The following TMTC3 variants were observed in gnomAD, a reference collection of about 807,000 sequenced individuals.
TMTC3 encodes the protein protein O-mannosyl-transferase TMTC3.
A neutral mutation model predicts 92.2 loss-of-function variants in TMTC3; 52 were observed. The ratio of observed to expected loss-of-function variants is 0.56; its 90% CI spans 0.45 to 0.71. The LOEUF (loss-of-function observed/expected upper bound fraction) is 0.71. Among genes scored for constraint, TMTC3 ranks in the 30% least tolerant of loss-of-function variants. TMTC3 has a pLI of 0.00. For missense variants in TMTC3, 896 were observed against 1,057.1 expected (o/e 0.85, Z 2.11); for synonymous variants, 339 against 363.3 (o/e 0.93, Z 0.76).
At position 88,196,702 on chromosome 12, in the gene TMTC3, T is replaced by C. The variant is rs2041517470; in HGVS notation, c.*1053T>C. ...TGTTATGGTATATCTTTTTATTAAA[T>C]ATTTATTTTGACTAAGCTTTCATAA... On this transcript the variant is annotated 3_prime_UTR_variant, in exon 14 of 14. Coordinates refer to ENST00000266712, the MANE Select transcript of TMTC3 (RefSeq NM_181783.4). The C allele has an allele frequency of 6.6e-6, 1 of 151,946 alleles. No homozygotes were observed. The highest frequency in any genetic ancestry group is 1.5e-5 in the Non-Finnish European group (1 of 67,834). 9.4% of individuals were successfully genotyped at this position (151,946 alleles called of 1,614,324 possible).
At chr12:88,171,278 C>T (rs891154435) in intron 7 of TMTC3, among the ~76,000 whole-genome samples, 20 of 152,218 alleles carry the variant, frequency 1.3e-4, no homozygotes, top group African/African-American at 4.8e-4. Context: ...ACCACACGCA[C>T]ATAAGTTAGA....
intron 8 of TMTC3, among the ~76,000 whole-genome samples, chr12:88,173,834 G>A (rs2041230445): frequency 6.6e-6 from 1 of 152,046 alleles, no homozygotes; most frequent in Non-Finnish European, 1.5e-5. Context: ...GAACATTGAA[G>A]CCATATAGGT....
At chr12:88,184,765 A>G (rs1411024089) in intron 10 of TMTC3, among the ~76,000 whole-genome samples, 1 of 152,174 alleles carries the variant, frequency 6.6e-6, no homozygotes, top group Non-Finnish European at 1.5e-5. Context: ...ACAAATACAC[A>G]CCACATGTAA....
chr12:88,193,470 T>G (rs2041466671), intron 13 of TMTC3, among the ~76,000 whole-genome samples: 1 of 152,168 alleles, frequency 6.6e-6, no homozygotes, highest in Admixed American at 6.5e-5. Flanking sequence ...AAAAATCTAT[T>G]ATAATGTTTA....
intron 2 of TMTC3, among the ~76,000 whole-genome samples, chr12:88,149,581 C>G (rs1020608720): frequency 6.6e-6 from 1 of 152,086 alleles, no homozygotes; most frequent in Non-Finnish European, 1.5e-5. Flanking sequence ...ATTATTTTAT[C>G]TACACTACCT....
At position 88,199,474 on chromosome 12, in the gene TMTC3, CTT is replaced by C. The variant is rs1405094684; in HGVS notation, c.*3826_*3827del. The C allele has an allele frequency of 6.6e-6, 1 of 151,852 alleles. No individual in the cohort carries two copies. The highest frequency in any genetic ancestry group is 1.9e-4 in the East Asian group (1 of 5,182). The allele number at this position is 151,852 out of a possible 1,614,324, so 9.4% of individuals were successfully genotyped here. A position where few individuals can be genotyped will look rare whatever the true frequency, so the allele number is the denominator to read the frequency against. ...TTAGTATAAACATAAGGCTTAAAGT[CTT>C]GGATTTGATGCATATGACTTAATTT... On this transcript the variant is annotated 3_prime_UTR_variant, in exon 14 of 14. Transcript: ENST00000266712.
intron 3 of TMTC3, 80 bp from the exon 4 acceptor site, chr12:88,154,208 A>G (rs2040978736): frequency 2.0e-6 from 2 of 1,001,718 alleles, no homozygotes; most frequent in Non-Finnish European, 2.9e-6. Flanking sequence ...TACGGAAATT[A>G]AAGTATTTTT....
At position 88,179,437 on chromosome 12, in the gene TMTC3, C is replaced by T. The variant is rs1387689970; in HGVS notation, c.1432+3118C>T. 2.6e-5 allele frequency among the ~76,000 whole-genome samples: 4 copies of T among 152,212 alleles called. No homozygotes were observed. The East Asian group carries it at 7.7e-4, about 29-fold the overall frequency. The stretch of plus-strand genomic sequence containing the variant: ...TATAAATTTGGAGTAATAATACCTC[C>T]ATTCTTTTGTATGGGTTATGTTAAA... On this transcript the variant is annotated intron_variant, in intron 10 of 13. Transcript: ENST00000266712.
At position 88,196,855 on chromosome 12, in the gene TMTC3, A is replaced by T. The variant is rs1379370632; in HGVS notation, c.*1206A>T. The T allele has an allele frequency of 2.0e-5, 3 of 151,878 alleles. No individual in the cohort carries two copies. Among genetic ancestry groups the T allele is most frequent in the South Asian group, 4.1e-4 (2 of 4,824 alleles). 9.4% of individuals were successfully genotyped at this position (151,878 alleles called of 1,614,324 possible). A position where few individuals can be genotyped will look rare whatever the true frequency, so the allele number is the denominator to read the frequency against. On this transcript the variant is annotated 3_prime_UTR_variant, in exon 14 of 14. Transcript: ENST00000266712. ...GGCCTAATGTCTGGATATAAAAGAT[A>T]ATTAGCCTACTATAGTATTAATAAA...
chr12:88,190,604 A>G lies in TMTC3; in HGVS notation c.1688A>G (p.Lys563Arg), dbSNP rs763771535. The G allele has an allele frequency of 6.2e-7, 1 of 1,613,726 alleles. No individual in the cohort carries two copies. Among genetic ancestry groups the G allele is most frequent in the South Asian group, 1.1e-5 (1 of 91,036 alleles). The change falls in exon 12 of 14, where the codon AAG becomes AGG. Residue 563 changes from lysine (K) to arginine (R), a missense_variant. Transcript: ENST00000266712. ...RQAISMRPDFKQAYISRGELL... is the reference protein window; with the variant it reads ...RQAISMRPDFRQAYISRGELL... Reference sequence around the variant, plus strand: ...GCAATAAGCATGAGGCCCGACTTCAAGCAGGCTTACATTAGCAGGTATCCC... The same window carrying G: ...GCAATAAGCATGAGGCCCGACTTCAGGCAGGCTTACATTAGCAGGTATCCC...
Position 88,160,121 on chromosome 12 carries a change from T to C in TMTC3, c.516T>C (p.Thr172=), listed in dbSNP as rs2041059065. The part of the protein sequence containing the change: ...SKGPDNSIIW[T]PIALTVFLVA... ...TCTGTTCTCAAATTGCAGTATGGAC[T>C]CCAATTGCCTTGACAGTGTTTTTAG... is the stretch of plus-strand genomic sequence containing the variant. The change falls in exon 5 of 14, where the codon ACT becomes ACC. Residue 172 remains threonine, a synonymous_variant. Coordinates refer to ENST00000266712, the MANE Select transcript of TMTC3 (RefSeq NM_181783.4). 4 of 1,573,986 alleles carry C rather than the reference T, an allele frequency of 2.5e-6. No homozygotes were observed. Among genetic ancestry groups the C allele is most frequent in the African/African-American group, 1.4e-5 (1 of 72,706 alleles).
intron 5 of TMTC3, 124 bp from the exon 6 acceptor site, chr12:88,160,555 C>G (rs1203151715): frequency 1.2e-6 from 1 of 866,578 alleles, no homozygotes; most frequent in Non-Finnish European, 1.8e-6. Context: ...TAGCTTCACA[C>G]ATTCTTCCAC....
At chr12:88,160,030 T>C in intron 4 of TMTC3, 84 bp from the exon 5 acceptor site, 3 of 859,142 alleles carry the variant, frequency 3.5e-6, no homozygotes, top group Non-Finnish European at 3.6e-6. Flanking sequence ...CATATGGATA[T>C]GGAATCACAA....
Position 88,153,003 on chromosome 12 carries a change from T to C in TMTC3, c.190-288T>C, listed in dbSNP as rs142099586. Among the ~76,000 whole-genome samples the C allele has an allele frequency of 3.9e-5, 6 of 152,248 alleles. No individual in the cohort carries two copies. In the East Asian group the frequency reaches 9.6e-4, roughly 24 times the overall value. On this transcript the variant is annotated intron_variant, in intron 2 of 13. Coordinates refer to ENST00000266712, the MANE Select transcript of TMTC3 (RefSeq NM_181783.4). Reference sequence around the variant, plus strand: ...ATGCCGGCATTGTCTTTTTTTAAAATTGTTATATTGAAGAGGAATTAATTG... The same window carrying C: ...ATGCCGGCATTGTCTTTTTTTAAAACTGTTATATTGAAGAGGAATTAATTG...
chr12:88,186,659 CCTT>C (rs1484502411), intron 10 of TMTC3, among the ~76,000 whole-genome samples: 1 of 151,990 alleles, frequency 6.6e-6, no homozygotes, highest in Non-Finnish European at 1.5e-5. Context: ...TTACATCTTG[CCTT>C]CTTTTCTTAC....
Position 88,199,755 on chromosome 12 carries a change from T to C in TMTC3, c.*4106T>C, listed in dbSNP as rs187493739. On this transcript the variant is annotated 3_prime_UTR_variant, in exon 14 of 14. Transcript: ENST00000266712. ...TGAAGACTGGATCCAGGCAAATTCATGTTCTTTCTTTGTAACTCACTTTCT... is the reference window on the plus strand; with the variant it reads ...TGAAGACTGGATCCAGGCAAATTCACGTTCTTTCTTTGTAACTCACTTTCT... The C allele has an allele frequency of 6.6e-6, 1 of 152,382 alleles. No homozygotes were observed. Among genetic ancestry groups the C allele is most frequent in the African/African-American group, 2.4e-5 (1 of 41,598 alleles). 9.4% of individuals were successfully genotyped at this position (152,382 alleles called of 1,614,324 possible).
intron 3 of TMTC3, 106 bp downstream of exon 3, chr12:88,153,615 C>T: frequency 1.7e-6 from 1 of 580,174 alleles, no homozygotes; most frequent in South Asian, 3.3e-5. Context: ...TTAACCCTGA[C>T]TTTAATCCAA....
At chr12:88,168,537 G>A (rs1197116328) in intron 7 of TMTC3, among the ~76,000 whole-genome samples, 1 of 152,158 alleles carries the variant, frequency 6.6e-6, no homozygotes, top group Non-Finnish European at 1.5e-5. Context: ...CTGTTGATTG[G>A]TTGGCATATA....
Position 88,172,588 on chromosome 12 carries a change from T to C in TMTC3, c.1051-9T>C, listed in dbSNP as rs748081487. 1 of 1,351,720 alleles carries C rather than the reference T, an allele frequency of 7.4e-7. No individual in the cohort carries two copies. The highest frequency in any genetic ancestry group is 9.6e-7 in the Non-Finnish European group (1 of 1,041,806). 83.7% of individuals were successfully genotyped at this position (1,351,720 alleles called of 1,614,324 possible). A position where few individuals can be genotyped will look rare whatever the true frequency, so the allele number is the denominator to read the frequency against. ...TATAAATTATTAAATCTTCTTTTTT[T>C]TTTTGTAGGCGCTTTGTTTAATGGC... On this transcript the variant is annotated splice_polypyrimidine_tract_variant and intron_variant, in intron 7 of 13. Coordinates refer to ENST00000266712, the MANE Select transcript of TMTC3 (RefSeq NM_181783.4).
Sources: allele counts gnomAD v4.1 joint callset (sites outside exome capture counted in the v4.1 genomes callset), GRCh38; gene constraint gnomAD v4.1.1; transcripts MANE v1.5; gene names NCBI Gene and HGNC (gene_info 2026-07-23, HGNC 2026-07-21).